The following NOP58 variants were observed in gnomAD, a reference collection of about 807,000 sequenced individuals.
NOP58 encodes the protein NOP58 ribonucleoprotein.
In NOP58, 44 loss-of-function variants were observed where a neutral mutation model predicts 71.2. The ratio of observed to expected loss-of-function variants is 0.62; its 90% CI spans 0.49 to 0.79. NOP58 has a LOEUF of 0.79. Among genes scored for constraint, NOP58 ranks in the 30% least tolerant of loss-of-function variants. The pLI is 0.00. For synonymous variants in NOP58, 228 were observed against 200.3 expected (o/e 1.14, Z -1.17); for missense variants, 538 against 620.2 (o/e 0.87, Z 1.41).
chr2:202,271,126 A>G (rs1012909999), intron 1 of NOP58, among the ~76,000 whole-genome samples: 2 of 152,050 alleles, frequency 1.3e-5, no homozygotes, highest in African/African-American at 4.8e-5. Flanking sequence ...AATTCCATAT[A>G]CCCTCACCAA....
chr2:202,279,981 A>G (rs760293609), intron 3 of NOP58, among the ~76,000 whole-genome samples: 1 of 152,222 alleles, frequency 6.6e-6, no homozygotes, highest in Non-Finnish European at 1.5e-5. Context: ...GGGAAAATGA[A>G]TGAAAATAGT....
At chr2:202,292,636 A>G (rs1688922811) in intron 8 of NOP58, 141 bp from the exon 9 acceptor site, 1 of 615,568 alleles carries the variant, frequency 1.6e-6, no homozygotes, top group Non-Finnish European at 2.8e-6. Context: ...AAGAAAACTG[A>G]TGTTAGGCAT....
chr2:202,303,414 A>G lies in NOP58; in HGVS notation c.1568A>G (p.Lys523Arg). 6.2e-7 allele frequency: 1 copy of G among 1,612,334 alleles called. No individual in the cohort carries two copies. The highest frequency in any genetic ancestry group is 1.3e-5 in the African/African-American group (1 of 75,014). ...CCAGAGAAAAAGAAGAAAAAGAAAA[A>G]AAAGAGAGAGAACGAGGATTAACAG... is the stretch of plus-strand genomic sequence containing the variant. Reference protein sequence around the residue: ...ASPEKKKKKKKKRENED With the variant: ...ASPEKKKKKKRKRENED The change falls in exon 15 of 15, where the codon AAA (lysine) becomes AGA (arginine). Residue 523 changes from lysine (K) to arginine (R), a missense_variant. Transcript: ENST00000264279.
intron 7 of NOP58, 111 bp from the exon 8 acceptor site, chr2:202,291,014 T>C (rs1363564333): frequency 2.8e-5 from 27 of 965,992 alleles, no homozygotes; most frequent in Non-Finnish European, 3.9e-5. Flanking sequence ...TTTTTTGTTT[T>C]GTTTAGGCAT....
At chr2:202,266,295 C>G (rs1027573256) in intron 1 of NOP58, among the ~76,000 whole-genome samples, 2 of 149,878 alleles carry the variant, frequency 1.3e-5, no homozygotes, top group Non-Finnish European at 1.5e-5. Context: ...GAGGAATGAT[C>G]GAAAGATTTT....
intron 10 of NOP58, among the ~76,000 whole-genome samples, chr2:202,296,235 C>T (rs753589613): frequency 2.6e-5 from 4 of 151,908 alleles, no homozygotes; most frequent in South Asian, 2.1e-4. Flanking sequence ...CCCGCTCTGT[C>T]GCCAGGCTAG....
intron 9 of NOP58, 152 bp from the exon 10 acceptor site, chr2:202,295,522 G>C (rs913877207): frequency 1.7e-6 from 1 of 574,418 alleles, no homozygotes; most frequent in Non-Finnish European, 2.8e-6. Flanking sequence ...GAAACATCAA[G>C]ATTTTTAGGG....
intron 5 of NOP58, 124 bp downstream of exon 5, chr2:202,284,605 G>C: frequency 1.8e-4 from 162 of 899,032 alleles, no homozygotes; most frequent in Non-Finnish European, 2.4e-4. Flanking sequence ...GAAGATGATA[G>C]TAATATCCTC....
At chr2:202,269,179 A>G (rs1389281349) in intron 1 of NOP58, among the ~76,000 whole-genome samples, 6 of 149,278 alleles carry the variant, frequency 4.0e-5, no homozygotes. Context: ...ATTTGTATTT[A>G]TTTATTTTTT....
chr2:202,267,466 T>A (rs928359173), intron 1 of NOP58, among the ~76,000 whole-genome samples: 1 of 152,200 alleles, frequency 6.6e-6, no homozygotes, highest in African/African-American at 2.4e-5. Flanking sequence ...TGGAGTTATC[T>A]GCAATTGCCG....
chr2:202,292,781 T>C lies in NOP58; in HGVS notation c.785T>C (p.Ile262Thr), dbSNP rs1688925909. The change falls in exon 9 of 15, where the codon ATT (isoleucine) becomes ACT (threonine). Residue 262 changes from isoleucine (I) to threonine (T), a missense_variant. Ile to Thr is a moderately conservative substitution (Grantham distance 89). Coordinates refer to ENST00000264279, the MANE Select transcript of NOP58 (RefSeq NM_015934.5). ...CNILHLCTQV[I>T]EISEYRTQLY... is the part of the protein sequence containing the mutation. ...TAACTTTATTCCTTATACTAGGTGA[T>C]TGAAATCTCTGAATATCGAACCCAG... 1.2e-6 allele frequency: 2 copies of C among 1,609,824 alleles called. No individual in the cohort carries two copies. The highest frequency in any genetic ancestry group is 1.3e-5 in the African/African-American group (1 of 74,968).
At chr2:202,285,584 A>T (rs1481783359) in intron 5 of NOP58, among the ~76,000 whole-genome samples, 1 of 151,738 alleles carries the variant, frequency 6.6e-6, no homozygotes, top group African/African-American at 2.4e-5. Flanking sequence ...CAAGTGATCC[A>T]CTTGCCTTAG....
At chr2:202,286,620 A>G (rs1688791014) in intron 5 of NOP58, among the ~76,000 whole-genome samples, 1 of 152,264 alleles carries the variant, frequency 6.6e-6, no homozygotes, top group Non-Finnish European at 1.5e-5. Flanking sequence ...AAAAATGCAC[A>G]AAGGTTAGGG....
intron 7 of NOP58, 66 bp from the exon 8 acceptor site, chr2:202,291,059 A>T: frequency 7.3e-7 from 1 of 1,375,716 alleles, no homozygotes; most frequent in African/African-American, 1.5e-5. Flanking sequence ...TCTTTTGACT[A>T]TTTGCTGGAT....
intron 1 of NOP58, among the ~76,000 whole-genome samples, chr2:202,267,066 T>C (rs1688429452): frequency 6.6e-6 from 1 of 152,202 alleles, no homozygotes; most frequent in Non-Finnish European, 1.5e-5. Flanking sequence ...CTGAAATGGT[T>C]GAATGGTAAG....
At chr2:202,270,382 T>A (rs2105835994) in intron 1 of NOP58, among the ~76,000 whole-genome samples, 1 of 152,380 alleles carries the variant, frequency 6.6e-6, no homozygotes, top group East Asian at 1.9e-4. Context: ...GTGCACATTT[T>A]AAACTAATTA....
rs1021662979 is a variant in NOP58 at position 202,300,217 on chromosome 2, C to T, written c.1269-17C>T. The stretch of plus-strand genomic sequence containing the variant: ...GATACTTGTTAGAGATTTTCTAAAA[C>T]TTTTTGGGTCTTTCAGTGAAGTGAA... On this transcript the variant is annotated splice_polypyrimidine_tract_variant and intron_variant, in intron 12 of 14. Coordinates refer to ENST00000264279, the MANE Select transcript of NOP58 (RefSeq NM_015934.5). 9.6e-6 allele frequency: 15 copies of T among 1,567,940 alleles called. No homozygotes were observed. The highest frequency in any genetic ancestry group is 2.2e-5 in the Admixed American group (1 of 45,036).
rs1391071275 is a variant in NOP58, at chr2:202,300,500, A to G, written c.1402+133A>G. On this transcript the variant is annotated intron_variant, in intron 13 of 14. Transcript: ENST00000264279. Reference sequence around the variant, plus strand: ...ATTGAACGCTAATGGTGTTTTAATAATGCCATTATGTTCTCTGGGAATATG... The same window carrying G: ...ATTGAACGCTAATGGTGTTTTAATAGTGCCATTATGTTCTCTGGGAATATG... 1.1e-5 allele frequency: 7 copies of G among 660,774 alleles called. No homozygotes were observed. In the East Asian group the frequency reaches 2.0e-4, roughly 19 times the overall value. 40.9% of individuals were successfully genotyped at this position (660,774 alleles called of 1,614,324 possible).
At chr2:202,294,533 GT>G (rs1688958147) in intron 9 of NOP58, among the ~76,000 whole-genome samples, 2 of 152,070 alleles carry the variant, frequency 1.3e-5, no homozygotes, top group Admixed American at 1.3e-4. Context: ...CTCCAAGAAT[GT>G]TTGAAACAGA....
Sources: allele counts gnomAD v4.1 joint callset (sites outside exome capture counted in the v4.1 genomes callset), GRCh38; gene constraint gnomAD v4.1.1; transcripts MANE v1.5; gene names NCBI Gene and HGNC (gene_info 2026-07-23, HGNC 2026-07-21).